CCDC144A: variants seen among roughly 807,000 people sequenced by gnomAD.
CCDC144A encodes coiled-coil domain-containing protein 144A.
A neutral mutation model predicts 143.8 loss-of-function variants in CCDC144A; 41 were observed. The observed-to-expected ratio is 0.29, with a 90% CI of 0.22 to 0.37. The LOEUF is 0.37. Ranked by LOEUF, CCDC144A falls within the 10% of genes least tolerant of loss-of-function variation. The pLI, the probability that CCDC144A is intolerant of heterozygous loss-of-function variation, is 1.00. For missense variants in CCDC144A, 637 were observed against 1,488.8 expected (o/e 0.43, Z 9.41); for synonymous variants, 242 against 517.9 (o/e 0.47, Z 7.23).
At chr17:16,703,631 C>T (rs540965361) in intron 2 of CCDC144A, among the ~76,000 whole-genome samples, 1 of 152,078 alleles carries the variant, frequency 6.6e-6, no homozygotes, top group Non-Finnish European at 1.5e-5. Context: ...GGTGAAACCC[C>T]GTCTCTACTA....
intron 2 of CCDC144A, among the ~76,000 whole-genome samples, chr17:16,703,781 T>G (rs550180468): frequency 6.6e-6 from 1 of 152,036 alleles, no homozygotes; most frequent in Non-Finnish European, 1.5e-5. Flanking sequence ...CCAGGCTGGG[T>G]GACAGAGTGA....
At chr17:16,684,988 T>A (rs1396728617), upstream of CCDC144A, among the ~76,000 whole-genome samples, 1 of 152,220 alleles carries the variant, frequency 6.6e-6, no homozygotes, top group Admixed American at 6.5e-5. Context: ...CCCACCCATG[T>A]ACATGCATTT....
At chr17:16,677,847 G>A in the CCDC144A span, among the ~76,000 whole-genome samples, 1 of 151,532 alleles carries the variant, frequency 6.6e-6, no homozygotes, top group South Asian at 2.1e-4. Context: ...GAGGTAAATT[G>A]TATATACATG....
At position 16,770,259 on chromosome 17, in the gene CCDC144A, C is replaced by T. The variant is rs561332414; in HGVS notation, c.4099-1718C>T. Among the ~76,000 whole-genome samples, 781 of 152,216 alleles carry T rather than the reference C, an allele frequency of 5.1e-3. 5 individuals are homozygous for T. Among genetic ancestry groups the T allele is most frequent in the African/African-American group, 0.018 (743 of 41,478 alleles). ...CCGCCTCCTGGGTTCACACCATTCT[C>T]CTGCCTCAGCCTCCTGAGTAGCTGG... On this transcript the variant is annotated intron_variant, in intron 15 of 16. Coordinates refer to ENST00000399273, the MANE Select transcript of CCDC144A (RefSeq NM_001382000.1).
intron 5 of CCDC144A, among the ~76,000 whole-genome samples, chr17:16,711,143 A>ACAAAAAAAAAAAC (rs1912393595): frequency 7.4e-6 from 1 of 135,052 alleles, no homozygotes; most frequent in African/African-American, 2.8e-5. Context: ...AATGAAAAAA[A>ACAAAAAAAAAAAC]AAAAAAAAAA....
chr17:16,722,258 C>T (rs925093263), intron 8 of CCDC144A, among the ~76,000 whole-genome samples: 3 of 151,940 alleles, frequency 2.0e-5, no homozygotes, highest in African/African-American at 4.8e-5. Flanking sequence ...TCAAACAAAC[C>T]GTGTATTTAG....
chr17:16,693,373 G>T (rs1178483452), intron 2 of CCDC144A, among the ~76,000 whole-genome samples: 1 of 151,576 alleles, frequency 6.6e-6, no homozygotes, highest in African/African-American at 2.4e-5. Flanking sequence ...CTGGAGTGCA[G>T]TGGTGCGATC....
intron 12 of CCDC144A, among the ~76,000 whole-genome samples, chr17:16,751,534 T>C (rs2143318747): frequency 6.6e-6 from 1 of 152,276 alleles, no homozygotes; most frequent in South Asian, 2.1e-4. Flanking sequence ...ACCAAATCAG[T>C]TCCTGGAACT....
intron 8 of CCDC144A, among the ~76,000 whole-genome samples, chr17:16,721,212 T>C (rs1913074286): frequency 2.0e-5 from 3 of 152,102 alleles, no homozygotes; most frequent in South Asian, 4.1e-4. Context: ...ATAACTGATA[T>C]GTGATAGACT....
intron 12 of CCDC144A, among the ~76,000 whole-genome samples, chr17:16,743,448 T>C (rs1405660363): frequency 2.0e-5 from 3 of 152,192 alleles, no homozygotes; most frequent in Non-Finnish European, 4.4e-5. Flanking sequence ...TTGGTTTAAT[T>C]TTCTATTTTT....
At chr17:16,696,803 A>G (rs1380515899) in intron 2 of CCDC144A, among the ~76,000 whole-genome samples, 2 of 152,034 alleles carry the variant, frequency 1.3e-5, no homozygotes, top group Non-Finnish European at 2.9e-5. Flanking sequence ...GTTCAGTGAT[A>G]ACACGGTGTT....
intron 6 of CCDC144A, among the ~76,000 whole-genome samples, chr17:16,715,017 A>C (rs2095418629): frequency 6.6e-6 from 1 of 152,298 alleles, no homozygotes; most frequent in Admixed American, 6.5e-5. Context: ...TTCTTTACTT[A>C]AAAGCCCCTT....
intron 8 of CCDC144A, among the ~76,000 whole-genome samples, chr17:16,724,795 T>TG (rs1913302344): frequency 2.1e-5 from 2 of 97,332 alleles, no homozygotes; most frequent in African/African-American, 8.6e-5. Context: ...GAATTTTTTT[T>TG]TTTTTTTTTT....
rs922347856 is a variant in CCDC144A, at chr17:16,690,269, G to A, written c.-132G>A. Reference sequence around the variant, plus strand: ...GCTTTGCGGTGGCTGTTGGCTTGGCGGTGGTCGCTTGGCTTGGCGTGGCAG... The same window carrying A: ...GCTTTGCGGTGGCTGTTGGCTTGGCAGTGGTCGCTTGGCTTGGCGTGGCAG... On this transcript the variant is annotated 5_prime_UTR_variant, in exon 1 of 17. Coordinates refer to ENST00000399273, the MANE Select transcript of CCDC144A (RefSeq NM_001382000.1). The A allele has an allele frequency of 1.0e-5, 6 of 601,994 alleles. No homozygotes were observed. Among genetic ancestry groups the A allele is most frequent in the Admixed American group, 3.1e-5 (1 of 32,146 alleles). 37.3% of individuals were successfully genotyped at this position (601,994 alleles called of 1,614,324 possible).
intron 12 of CCDC144A, chr17:16,737,700 A>T (rs1914087176): frequency 8.5e-7 from 1 of 1,171,444 alleles, no homozygotes; most frequent in African/African-American, 1.6e-5. Context: ...TAACATGTCA[A>T]CAGTTAATCT....
the CCDC144A span, among the ~76,000 whole-genome samples, chr17:16,671,090 G>T: frequency 6.6e-6 from 1 of 151,540 alleles, no homozygotes; most frequent in Admixed American, 6.6e-5. Context: ...GAGTTCAAGC[G>T]ATTCTCCTGC....
chr17:16,695,161 A>G (rs1350657532), intron 2 of CCDC144A: 1 of 152,262 alleles, frequency 6.6e-6, no homozygotes, highest in Non-Finnish European at 1.5e-5. Flanking sequence ...AGCTTTCTCT[A>G]TTTAACTTCT....
At position 16,746,040 on chromosome 17, in the gene CCDC144A, C is replaced by T. The variant is rs971878006; in HGVS notation, c.3372+10397C>T. 26 of 1,611,618 alleles carry T rather than the reference C, an allele frequency of 1.6e-5. No homozygotes were observed. The East Asian group carries it at 5.1e-4, about 32-fold the overall frequency. ...CTCCACATCCCTGTGCTCTTTATCA[C>T]TGCCGCTGTGTGACGTCTCCTGGGG... On this transcript the variant is annotated intron_variant, in intron 12 of 16. Coordinates refer to ENST00000399273, the MANE Select transcript of CCDC144A (RefSeq NM_001382000.1).
intron 12 of CCDC144A, among the ~76,000 whole-genome samples, chr17:16,744,931 C>T (rs866770361): frequency 1.3e-5 from 2 of 152,058 alleles, no homozygotes; most frequent in African/African-American, 4.8e-5. Flanking sequence ...TTATCCCTTC[C>T]CGAACAAAAT....
Sources: allele counts gnomAD v4.1 joint callset (sites outside exome capture counted in the v4.1 genomes callset), GRCh38; gene constraint gnomAD v4.1.1; transcripts MANE v1.5; gene names NCBI Gene and HGNC (gene_info 2026-07-23, HGNC 2026-07-21).